Variants in SUCO observed in about 807,000 individuals in gnomAD.
SUCO encodes SUN domain-containing ossification factor.
Under a neutral mutation model 148.1 loss-of-function variants are expected in SUCO, and 57 were observed. The ratio of observed to expected loss-of-function variants is 0.38; its 90% confidence interval spans 0.31 to 0.48. The LOEUF (loss-of-function observed/expected upper bound fraction) is 0.48, where lower values mean the gene tolerates loss of function less well. Among genes scored for constraint, SUCO ranks in the 20% least tolerant of loss-of-function variants. SUCO has a pLI of 0.96. For missense variants in SUCO, 1,331 were observed against 1,468.2 expected, an observed-to-expected ratio of 0.91 and a Z score of 1.53; for synonymous variants, 470 against 502.7, an observed-to-expected ratio of 0.93 and a Z score of 0.87.
At chr1:172,532,586 T>C, upstream of SUCO, 1 of 1,613,912 alleles carries the variant, frequency 6.2e-7, no homozygotes, top group Non-Finnish European at 8.5e-7. Context: ...AACACACACG[T>C]CATTCTAGGC....
intron 22 of SUCO, 115 bp from the exon 23 acceptor site, chr1:172,608,632 A>G (rs1405589141): frequency 1.0e-5 from 8 of 774,144 alleles, no homozygotes; most frequent in Non-Finnish European, 2.3e-6. Flanking sequence ...CATTGGTTCT[A>G]TTACTAGAGG....
At chr1:172,601,811 G>A (rs934460798) in intron 20 of SUCO, among the ~76,000 whole-genome samples, 4 of 152,216 alleles carry the variant, frequency 2.6e-5, no homozygotes, top group Admixed American at 1.3e-4. Flanking sequence ...GATAGATAAA[G>A]GTGTAAATAT....
intron 6 of SUCO, among the ~76,000 whole-genome samples, chr1:172,562,935 T>G (rs1654289748): frequency 1.3e-5 from 2 of 152,094 alleles, no homozygotes; most frequent in Admixed American, 6.6e-5. Flanking sequence ...TCTCACAAGA[T>G]CTAGTTTAAA....
Position 172,574,062 on chromosome 1 carries a change from AAC to A in SUCO, c.1157+66_1157+67del, listed in dbSNP as rs1235250190. 3.5e-5 allele frequency: 34 copies of A among 972,646 alleles called. No individual in the cohort carries two copies. The African/African-American group carries it at 5.3e-4, about 15-fold the overall frequency. 60.3% of individuals were successfully genotyped at this position (972,646 alleles called of 1,614,324 possible). A position where few individuals can be genotyped will look rare whatever the true frequency, so the allele number is the denominator to read the frequency against. ...TCTCTGAAAAAAAGAAAAACAAAAA[AAC>A]AAAAAAGTGGGTCACATTTTGACTT... On this transcript the variant is annotated intron_variant, in intron 10 of 23. Transcript: ENST00000263688.
intron 23 of SUCO, 24 bp from the exon 24 acceptor site, chr1:172,609,792 A>G: frequency 6.4e-7 from 1 of 1,573,104 alleles, no homozygotes; most frequent in Non-Finnish European, 8.6e-7. Flanking sequence ...ATCATTACTA[A>G]CTTTTCTTTT....
intron 17 of SUCO, 110 bp from the exon 18 acceptor site, chr1:172,588,650 T>C (rs1182005822): frequency 7.9e-7 from 1 of 1,261,768 alleles, no homozygotes; most frequent in Non-Finnish European, 1.0e-6. Context: ...AAATTTCTTC[T>C]ATATTTCCAA....
At chr1:172,539,163 ATATTCT>A (rs974686704) in intron 1 of SUCO, among the ~76,000 whole-genome samples, 7 of 152,348 alleles carry the variant, frequency 4.6e-5, no homozygotes, top group East Asian at 1.9e-4. Flanking sequence ...TGTATAATTA[ATATTCT>A]TATGCTTATA....
In SUCO at chr1:172,588,811, T is replaced by C. The variant is rs1571263571; in HGVS notation, c.1710T>C (p.Asp570=). ...HTHDMEPSTP[D]TPKESPIVQL... ...ATGACATGGAGCCGTCAACACCAGA[T>C]ACTCCAAAAGAGAGTCCCATTGTAC... The change falls in exon 18 of 24, where the codon GAT becomes GAC. Residue 570 remains aspartate, a synonymous_variant. Coordinates refer to ENST00000263688, the MANE Select transcript of SUCO (RefSeq NM_014283.5). 1 of 1,593,190 alleles carries C rather than the reference T, an allele frequency of 6.3e-7. No individual in the cohort carries two copies. Among genetic ancestry groups the C allele is most frequent in the Non-Finnish European group, 8.5e-7 (1 of 1,171,026 alleles).
chr1:172,551,629 G>A lies in SUCO; in HGVS notation c.177+3G>A. ...AAGATGTACAATTCCAGAAAAAGGT[G>A]CCTTAAATAAAGTTAACATTATAAT... On this transcript the variant is annotated splice_donor_region_variant and intron_variant, in intron 2 of 23. Transcript: ENST00000263688. 1.9e-6 allele frequency: 3 copies of A among 1,571,408 alleles called. No homozygotes were observed. The highest frequency in any genetic ancestry group is 2.3e-5 in the South Asian group (2 of 88,252).
chr1:172,548,356 TC>T (rs1303985238), intron 1 of SUCO, among the ~76,000 whole-genome samples: 2 of 152,030 alleles, frequency 1.3e-5, no homozygotes, highest in African/African-American at 4.8e-5. Flanking sequence ...TCTAATACTT[TC>T]TTCAAAGAAC....
rs201475169 is a variant in SUCO, at chr1:172,573,030, T to TA, written c.1050-852dup. On this transcript the variant is annotated intron_variant, in intron 9 of 23. Transcript: ENST00000263688. Reference sequence around the variant, plus strand: ...ATAAATGTAAATCTTAGCATCATTTTAAAAAAAAACAGCTTTATTGGGGTA... The same window carrying TA: ...ATAAATGTAAATCTTAGCATCATTTTAAAAAAAAAACAGCTTTATTGGGGTA... Among the ~76,000 whole-genome samples, 1,219 of 151,418 alleles carry TA rather than the reference T, an allele frequency of 8.1e-3. 13 individuals carry two copies. The highest frequency in any genetic ancestry group is 0.048 in the Middle Eastern group (14 of 294).
At chr1:172,568,662 ATTAAC>A (rs1273630888) in intron 6 of SUCO, among the ~76,000 whole-genome samples, 22 of 152,144 alleles carry the variant, frequency 1.4e-4, no homozygotes, top group African/African-American at 5.3e-4. Flanking sequence ...TAATGGATGT[ATTAAC>A]TTATATTTTA....
intron 4 of SUCO, among the ~76,000 whole-genome samples, chr1:172,556,438 C>T (rs955719923): frequency 5.9e-5 from 9 of 152,036 alleles, no homozygotes; most frequent in East Asian, 1.9e-4. Flanking sequence ...TTTTCAAACT[C>T]GATAATAAAT....
intron 1 of SUCO, among the ~76,000 whole-genome samples, chr1:172,539,707 G>A (rs991968028): frequency 5.9e-5 from 9 of 152,284 alleles, no homozygotes; most frequent in East Asian, 1.9e-4. Flanking sequence ...TGCCTCACTC[G>A]TAGTAAGCAC....
chr1:172,532,439 A>C, upstream of SUCO: 1 of 1,544,156 alleles, frequency 6.5e-7, no homozygotes, highest in Non-Finnish European at 8.8e-7. Flanking sequence ...TGAAGAGAAG[A>C]AAAAGCGAAA....
At chr1:172,544,475 G>A (rs967848121) in intron 1 of SUCO, among the ~76,000 whole-genome samples, 2 of 152,158 alleles carry the variant, frequency 1.3e-5, no homozygotes, top group African/African-American at 2.4e-5. Flanking sequence ...AATTTAGAGC[G>A]GGCCACCCAC....
chr1:172,575,234 T>A (rs2149249952), intron 10 of SUCO, among the ~76,000 whole-genome samples: 1 of 152,122 alleles, frequency 6.6e-6, no homozygotes, highest in African/African-American at 2.4e-5. Flanking sequence ...AGACAGTCTC[T>A]TGGTGACTTT....
At chr1:172,609,436 C>T in intron 23 of SUCO, 1 of 908,042 alleles carries the variant, frequency 1.1e-6, no homozygotes, top group Non-Finnish European at 1.3e-6. Flanking sequence ...AACCAAACAT[C>T]TGAACCTTGC....
At chr1:172,582,923 T>A (rs1309166081) in intron 15 of SUCO, among the ~76,000 whole-genome samples, 7 of 152,192 alleles carry the variant, frequency 4.6e-5, no homozygotes, top group Non-Finnish European at 8.8e-5. Context: ...GAAATAATAC[T>A]GTAAAGCTAC....
Sources: allele counts gnomAD v4.1 joint callset (sites outside exome capture counted in the v4.1 genomes callset), GRCh38; gene constraint gnomAD v4.1.1; transcripts MANE v1.5; gene names NCBI Gene and HGNC (gene_info 2026-07-23, HGNC 2026-07-21).